The following CCDC148 variants were observed in gnomAD, a reference collection of about 807,000 sequenced individuals.
The protein encoded by CCDC148 is coiled-coil domain-containing protein 148.
Under a neutral mutation model 85.7 loss-of-function variants are expected in CCDC148, and 89 were observed. The observed-to-expected ratio is 1.04, with a 90% CI of 0.87 to 1.24. CCDC148 has a LOEUF of 1.24. CCDC148 is among the 50% of genes most tolerant of loss of function. The pLI is 0.00. For missense variants in CCDC148, 692 were observed against 671.7 expected, an observed-to-expected ratio of 1.03 and a Z score of -0.33; for synonymous variants, 230 against 213.9, an observed-to-expected ratio of 1.08 and a Z score of -0.66.
intron 9 of CCDC148, among the ~76,000 whole-genome samples, chr2:158,261,961 C>T (rs1689243064): frequency 6.6e-6 from 1 of 152,004 alleles, no homozygotes; most frequent in Non-Finnish European, 1.5e-5. Context: ...TATGGTGATT[C>T]CTCAGAGAGC....
chr2:158,339,593 T>A (rs189889270), intron 5 of CCDC148, among the ~76,000 whole-genome samples: 21 of 152,092 alleles, frequency 1.4e-4, no homozygotes, highest in Middle Eastern at 3.4e-3. Flanking sequence ...AATAAAAAAA[T>A]ATGTAAGAAA....
At chr2:158,292,357 T>G (rs1468198259) in intron 9 of CCDC148, among the ~76,000 whole-genome samples, 1 of 152,182 alleles carries the variant, frequency 6.6e-6, no homozygotes, top group African/African-American at 2.4e-5. Flanking sequence ...CTCCACTAGG[T>G]GGAAATGTAC....
chr2:158,440,834 T>C (rs770710071), intron 1 of CCDC148, among the ~76,000 whole-genome samples: 4 of 152,166 alleles, frequency 2.6e-5, no homozygotes, highest in Non-Finnish European at 5.9e-5. Context: ...TGACTACTAG[T>C]ATACTCCAGA....
intron 1 of CCDC148, among the ~76,000 whole-genome samples, chr2:158,394,151 T>C (rs1685432563): frequency 6.6e-6 from 1 of 152,102 alleles, no homozygotes; most frequent in South Asian, 2.1e-4. Flanking sequence ...TTGAGTTTAT[T>C]TACAGAGGGT....
intron 11 of CCDC148, among the ~76,000 whole-genome samples, chr2:158,199,239 T>A (rs533371905): frequency 9.8e-5 from 15 of 152,288 alleles, no homozygotes; most frequent in Admixed American, 4.6e-4. Context: ...TTTTAAATTT[T>A]AATTTTTATT....
At chr2:158,365,102 T>C (rs956076134) in intron 1 of CCDC148, among the ~76,000 whole-genome samples, 2 of 152,122 alleles carry the variant, frequency 1.3e-5, no homozygotes, top group African/African-American at 4.8e-5. Context: ...AAAACCACAA[T>C]GAGATACCAT....
intron 1 of CCDC148, among the ~76,000 whole-genome samples, chr2:158,437,491 A>G (rs900542845): frequency 7.9e-5 from 12 of 152,118 alleles, no homozygotes; most frequent in East Asian, 7.7e-4. Flanking sequence ...AATAATAAGA[A>G]CTATCTATGA....
chr2:158,425,078 T>C (rs1687013388), intron 1 of CCDC148: 4 of 461,550 alleles, frequency 8.7e-6, no homozygotes, highest in Admixed American at 2.3e-5. Context: ...CAAGGCATAA[T>C]TGGAATCAAT....
In CCDC148 at chr2:158,385,054, T is replaced by C. The variant is rs114960274; in HGVS notation, c.26-26484A>G. ...GCTCACCATCAGTCAGGGACAGTTGTCAGTGACTACAGTTGTTTGCATTCC... is the reference window on the plus strand; with the variant it reads ...GCTCACCATCAGTCAGGGACAGTTGCCAGTGACTACAGTTGTTTGCATTCC... On this transcript the variant is annotated intron_variant, in intron 1 of 13. Transcript: ENST00000283233. Among the ~76,000 whole-genome samples the C allele has an allele frequency of 3.2e-3, 490 of 152,306 alleles. 3 individuals are homozygous for C. The highest frequency in any genetic ancestry group is 0.011 in the African/African-American group (477 of 41,588).
chr2:158,446,041 TATG>T (rs1400976183), intron 1 of CCDC148, among the ~76,000 whole-genome samples: 1 of 152,188 alleles, frequency 6.6e-6, no homozygotes, highest in Non-Finnish European at 1.5e-5. Context: ...TGTAATCAAC[TATG>T]ATACTCAAAT....
At chr2:158,353,625 A>T (rs528433279) in intron 2 of CCDC148, among the ~76,000 whole-genome samples, 102 of 152,182 alleles carry the variant, frequency 6.7e-4, no homozygotes, top group African/African-American at 2.3e-3. Flanking sequence ...CACATTAATA[A>T]TGGGAGACTT....
chr2:158,238,822 A>G lies in CCDC148; in HGVS notation c.1251+11950T>C, dbSNP rs138295051. On this transcript the variant is annotated intron_variant, in intron 10 of 13. Coordinates refer to ENST00000283233, the MANE Select transcript of CCDC148 (RefSeq NM_138803.4). Reference sequence around the variant, plus strand: ...GACCAAAGCCATTAAAGCGACCCGAAAGTAAATAGTTTGAAACTGAGATTT... The same window carrying G: ...GACCAAAGCCATTAAAGCGACCCGAGAGTAAATAGTTTGAAACTGAGATTT... 1.8e-3 allele frequency among the ~76,000 whole-genome samples: 274 copies of G among 152,318 alleles called. 1 individual carries two copies. Among genetic ancestry groups the G allele is most frequent in the African/African-American group, 6.2e-3 (257 of 41,580 alleles).
chr2:158,335,702 T>C (rs2105237504), intron 7 of CCDC148, among the ~76,000 whole-genome samples: 1 of 152,208 alleles, frequency 6.6e-6, no homozygotes, highest in East Asian at 1.9e-4. Flanking sequence ...GGCCCCACCC[T>C]TGACATGTGG....
intron 1 of CCDC148, among the ~76,000 whole-genome samples, chr2:158,434,664 A>G (rs1687550792): frequency 6.6e-6 from 1 of 152,134 alleles, no homozygotes. Context: ...ACGATCGGTA[A>G]TAACAAACTT....
chr2:158,360,861 G>A (rs2105269434), intron 1 of CCDC148, among the ~76,000 whole-genome samples: 1 of 151,912 alleles, frequency 6.6e-6, no homozygotes, highest in East Asian at 2.0e-4. Flanking sequence ...CAGAAGGTGG[G>A]TAATAACAAA....
At chr2:158,391,673 A>T (rs575657540) in intron 1 of CCDC148, among the ~76,000 whole-genome samples, 1 of 152,278 alleles carries the variant, frequency 6.6e-6, no homozygotes, top group African/African-American at 2.4e-5. Context: ...CCTAAGGTGA[A>T]ATTTTTGTTG....
Position 158,208,329 on chromosome 2 carries a change from T to C in CCDC148, c.1370+12266A>G, listed in dbSNP as rs1408548016. Among the ~76,000 whole-genome samples the C allele has an allele frequency of 1.2e-4, 16 of 134,922 alleles. No homozygotes were observed. The Admixed American group carries it at 1.3e-3, about 11-fold the overall frequency. 88.5% of individuals were successfully genotyped at this position (134,922 alleles called of 152,430 possible). A position where few individuals can be genotyped will look rare whatever the true frequency, so the allele number is the denominator to read the frequency against. ...TTTTTCTAACTAAAGCTGTGAACTG[T>C]AGAAGGTGTTCTCTTTCTTTTTTCT... On this transcript the variant is annotated intron_variant, in intron 11 of 13. Transcript: ENST00000283233.
chr2:158,313,842 G>A lies in CCDC148; in HGVS notation c.817C>T (p.Gln273Ter). 2 of 1,613,810 alleles carry A rather than the reference G, an allele frequency of 1.2e-6. No homozygotes were observed. Among genetic ancestry groups the A allele is most frequent in the Non-Finnish European group, 1.7e-6 (2 of 1,179,826 alleles). ...DHWIYQAILD[Q>*]YPGDLFGRRT... Reference sequence around the variant, plus strand: ...CTTCCAAAGAGATCTCCAGGGTACTGATCCAAAATAGCCTGGTAAATCCAG... The same window carrying A: ...CTTCCAAAGAGATCTCCAGGGTACTAATCCAAAATAGCCTGGTAAATCCAG... Residue 273 changes from glutamine (Q) to a stop codon, truncating the protein, a stop_gained, in exon 8 of 14, where the codon CAG (glutamine) becomes TAG (stop). Coordinates refer to ENST00000283233, the MANE Select transcript of CCDC148 (RefSeq NM_138803.4). LOFTEE classifies it high-confidence loss of function.
intron 1 of CCDC148, among the ~76,000 whole-genome samples, chr2:158,392,727 A>C (rs1219118608): frequency 6.6e-6 from 1 of 152,170 alleles, no homozygotes; most frequent in Non-Finnish European, 1.5e-5. Flanking sequence ...ATAAACCCTT[A>C]AGATAATGTT....
Sources: allele counts gnomAD v4.1 joint callset (sites outside exome capture counted in the v4.1 genomes callset), GRCh38; gene constraint gnomAD v4.1.1; transcripts MANE v1.5; gene names NCBI Gene and HGNC (gene_info 2026-07-23, HGNC 2026-07-21).